LRRC7: variants seen among roughly 807,000 people sequenced by gnomAD.
LRRC7 encodes leucine rich repeat containing 7, also known as leucine-rich repeat-containing protein 7.
Under a neutral mutation model 175.7 loss-of-function variants are expected in LRRC7, and 23 were observed. That is an observed-to-expected ratio of 0.13 (90% CI 0.09 to 0.19). LRRC7 has a LOEUF of 0.19. LRRC7 is among the 10% of genes least tolerant of loss of function. The pLI is 1.00. For synonymous variants in LRRC7, 685 were observed against 680.9 expected (o/e 1.01, Z -0.09); for missense variants, 1,354 against 1,904.7 (o/e 0.71, Z 5.38).
At chr1:69,644,867 G>T (rs1654773691) in intron 1 of LRRC7, among the ~76,000 whole-genome samples, 1 of 151,874 alleles carries the variant, frequency 6.6e-6, no homozygotes, top group Admixed American at 6.6e-5. Flanking sequence ...GGATAAAGGA[G>T]AAAAACCTTG....
intron 7 of LRRC7, among the ~76,000 whole-genome samples, chr1:69,904,668 A>G (rs6683992): frequency 0.36 from 54,858 of 151,922 alleles, 12,125 homozygotes; most frequent in East Asian, 0.56. Flanking sequence ...TTGTTTTTTT[A>G]CATTTTTAAA....
chr1:70,039,302 G>A lies in LRRC7; in HGVS notation c.3478G>A (p.Ala1160Thr), dbSNP rs144289156. The change falls in exon 21 of 27, where the codon GCC (alanine) becomes ACC (threonine). Residue 1160 changes from alanine to threonine, a missense_variant. Physicochemically the swap from Ala to Thr is moderately conservative, Grantham distance 58 (BLOSUM62 0). Coordinates refer to ENST00000651989, the MANE Select transcript of LRRC7 (RefSeq NM_001370785.2). Reference sequence around the variant, plus strand: ...GAGAAGGGCCGACTCCCTGGTGAGCGCCACAGAAATGGCCATGTTTAGAAG... The same window carrying A: ...GAGAAGGGCCGACTCCCTGGTGAGCACCACAGAAATGGCCATGTTTAGAAG... Reference protein sequence around the residue: ...FLRRADSLVSATEMAMFRRVN... With the variant: ...FLRRADSLVSTTEMAMFRRVN... 285 of 1,613,854 alleles carry A rather than the reference G, an allele frequency of 1.8e-4. 1 individual carries two copies. The highest frequency in any genetic ancestry group is 2.2e-4 in the Non-Finnish European group (256 of 1,179,998).
At chr1:69,703,979 T>C (rs571215085) in intron 2 of LRRC7, among the ~76,000 whole-genome samples, 3 of 152,122 alleles carry the variant, frequency 2.0e-5, no homozygotes, top group Admixed American at 1.3e-4. Context: ...GATACATACA[T>C]CAACAGATTA....
intron 24 of LRRC7, among the ~76,000 whole-genome samples, chr1:70,082,802 T>TTTTTTTTTTTTTTTTTTTTTG (rs1663316848): frequency 8.2e-6 from 1 of 121,412 alleles, no homozygotes; most frequent in Non-Finnish European, 1.7e-5. Context: ...TTTTTTTTTT[T>TTTTTTTTTTTTTTTTTTTTTG]TTTTTTTTTT....
At chr1:69,894,005 C>A (rs1557860716) in intron 7 of LRRC7, among the ~76,000 whole-genome samples, 3 of 152,236 alleles carry the variant, frequency 2.0e-5, no homozygotes, top group Admixed American at 6.5e-5. Flanking sequence ...AGCAATAGAG[C>A]AGAGCCTATT....
rs1310827453 is a variant in LRRC7 at position 69,986,238 on chromosome 1, C to T, written c.787-4C>T. 1 of 1,610,792 alleles carries T rather than the reference C, an allele frequency of 6.2e-7. No homozygotes were observed. Among genetic ancestry groups the T allele is most frequent in the Non-Finnish European group, 8.5e-7 (1 of 1,178,268 alleles). On this transcript the variant is annotated splice_polypyrimidine_tract_variant and splice_region_variant and intron_variant, in intron 9 of 26. Transcript: ENST00000651989. ...TAACCCTGAGTTTATGCAATGTCAT[C>T]AAGTCTATAGGGAAGTTAAAGATGT...
chr1:70,027,623 C>T (rs1658260864), intron 17 of LRRC7, among the ~76,000 whole-genome samples: 1 of 152,068 alleles, frequency 6.6e-6, no homozygotes, highest in East Asian at 1.9e-4. Flanking sequence ...TGAGAATTAG[C>T]TATCCTACCT....
intron 2 of LRRC7, among the ~76,000 whole-genome samples, chr1:69,701,350 C>T (rs1267628916): frequency 1.3e-5 from 2 of 152,160 alleles, no homozygotes; most frequent in East Asian, 3.9e-4. Context: ...TTCACTAGAC[C>T]CTTAGGTCGG....
chr1:69,877,305 G>A (rs1453354709), intron 7 of LRRC7, among the ~76,000 whole-genome samples: 4 of 152,092 alleles, frequency 2.6e-5, no homozygotes, highest in Non-Finnish European at 5.9e-5. Flanking sequence ...AAGCCACTCT[G>A]GGCCAAGTGT....
intron 4 of LRRC7, among the ~76,000 whole-genome samples, chr1:69,823,287 A>G (rs1440030959): frequency 6.6e-6 from 1 of 152,156 alleles, no homozygotes; most frequent in Non-Finnish European, 1.5e-5. Flanking sequence ...CAGATACTAA[A>G]ATGTCTCAAC....
chr1:69,607,083 C>T (rs982806743), intron 1 of LRRC7: 3 of 152,026 alleles, frequency 2.0e-5, no homozygotes, highest in African/African-American at 7.2e-5. Flanking sequence ...TGAAGAGTTT[C>T]AGGTGGTCCA....
rs530472371 is a variant in LRRC7, at chr1:69,796,550, C to T, written c.421+4390C>T. Among the ~76,000 whole-genome samples, 17 of 152,104 alleles carry T rather than the reference C, an allele frequency of 1.1e-4. No homozygotes were observed. The South Asian group carries it at 2.5e-3, about 22-fold the overall frequency. On this transcript the variant is annotated intron_variant, in intron 4 of 26. Coordinates refer to ENST00000651989, the MANE Select transcript of LRRC7 (RefSeq NM_001370785.2). ...CTGTAATCCCAGTACTTTGGGAGGC[C>T]GAGGTGGGCGGATCACCTGAGGTCG... is the stretch of plus-strand genomic sequence containing the variant.
intron 8 of LRRC7, among the ~76,000 whole-genome samples, chr1:69,962,602 T>G (rs1570818154): frequency 1.3e-5 from 2 of 152,084 alleles, no homozygotes; most frequent in South Asian, 4.1e-4. Flanking sequence ...AATGACAGAT[T>G]AAAGAAAATG....
intron 7 of LRRC7, among the ~76,000 whole-genome samples, chr1:69,924,661 C>G (rs1051499899): frequency 1.3e-5 from 2 of 152,138 alleles, no homozygotes; most frequent in African/African-American, 4.8e-5. Context: ...TATCCTGAGA[C>G]TTTGCTGAAG....
intron 7 of LRRC7, among the ~76,000 whole-genome samples, chr1:69,857,969 C>T (rs1385046135): frequency 1.3e-5 from 2 of 152,072 alleles, no homozygotes; most frequent in Non-Finnish European, 1.5e-5. Flanking sequence ...GATCTACAAC[C>T]ATCTGATCTT....
intron 10 of LRRC7, among the ~76,000 whole-genome samples, chr1:69,994,281 A>G (rs893582892): frequency 1.5e-4 from 23 of 152,212 alleles, no homozygotes; most frequent in African/African-American, 5.5e-4. Context: ...AGGGAAATGT[A>G]GTAGTATTAG....
intron 7 of LRRC7, among the ~76,000 whole-genome samples, chr1:69,857,645 T>C (rs571019211): frequency 1.3e-5 from 2 of 152,254 alleles, no homozygotes; most frequent in East Asian, 3.9e-4. Flanking sequence ...TCCATACTCA[T>C]GGATAGGAAG....
At chr1:69,594,133 G>A (rs1005609173) in intron 1 of LRRC7, among the ~76,000 whole-genome samples, 9 of 151,994 alleles carry the variant, frequency 5.9e-5, no homozygotes, top group East Asian at 3.9e-4. Context: ...TTTACTGTCC[G>A]TATAACATTC....
intron 2 of LRRC7, among the ~76,000 whole-genome samples, chr1:69,710,052 T>C (rs1043532581): frequency 6.6e-6 from 1 of 151,624 alleles, no homozygotes; most frequent in Non-Finnish European, 1.5e-5. Flanking sequence ...CCAAGGCAGG[T>C]GGATCATCAG....
Sources: allele counts gnomAD v4.1 joint callset (sites outside exome capture counted in the v4.1 genomes callset), GRCh38; gene constraint gnomAD v4.1.1; transcripts MANE v1.5; gene names NCBI Gene and HGNC (gene_info 2026-07-23, HGNC 2026-07-21).